AGBL4: variants seen among roughly 807,000 people sequenced by gnomAD.
AGBL4 encodes AGBL carboxypeptidase 4.
Under a neutral mutation model 66.4 loss-of-function variants are expected in AGBL4, and 58 were observed. The observed-to-expected ratio is 0.87, with a 90% CI of 0.71 to 1.09. AGBL4 has a LOEUF of 1.09. AGBL4 is among the 50% of genes least tolerant of loss of function. The pLI is 0.00. For missense variants in AGBL4, 579 were observed against 631.0 expected (o/e 0.92, Z 0.88); for synonymous variants, 234 against 222.9 (o/e 1.05, Z -0.44).
At chr1:49,672,947 G>T (rs1057479497) in intron 3 of AGBL4, among the ~76,000 whole-genome samples, 38 of 140,116 alleles carry the variant, frequency 2.7e-4, no homozygotes, top group African/African-American at 9.4e-4. Flanking sequence ...AAAAAGAAAA[G>T]AAAAGATAGA....
At chr1:48,674,420 G>A (rs993042210) in intron 6 of AGBL4, among the ~76,000 whole-genome samples, 1 of 151,870 alleles carries the variant, frequency 6.6e-6, no homozygotes, top group Non-Finnish European at 1.5e-5. Flanking sequence ...ACCCAGGTCT[G>A]GTTAACGTTA....
At chr1:48,917,419 C>T (rs1479524380) in intron 5 of AGBL4, among the ~76,000 whole-genome samples, 1 of 151,712 alleles carries the variant, frequency 6.6e-6, no homozygotes, top group Non-Finnish European at 1.5e-5. Flanking sequence ...AAAAAAAAAT[C>T]ACACATTTTT....
intron 4 of AGBL4, among the ~76,000 whole-genome samples, chr1:49,237,512 TTATATATATATATA>T (rs71056690): frequency 9.7e-3 from 22 of 2,262 alleles, no homozygotes; most frequent in African/African-American, 0.017. Context: ...CAATATTACA[TTATATATATATATA>T]TATATATATA....
chr1:48,622,495 T>G (rs1055246848), intron 9 of AGBL4, among the ~76,000 whole-genome samples: 7 of 146,756 alleles, frequency 4.8e-5, no homozygotes, highest in Non-Finnish European at 1.0e-4. Context: ...TTTTTTTTTT[T>G]TTTTTGGAGA....
chr1:49,550,264 G>A (rs955448500), intron 3 of AGBL4, among the ~76,000 whole-genome samples: 6 of 152,172 alleles, frequency 3.9e-5, no homozygotes, highest in African/African-American at 1.4e-4. Context: ...GGAACATTTA[G>A]GCCATTTACA....
intron 3 of AGBL4, among the ~76,000 whole-genome samples, chr1:49,436,234 C>T (rs943972801): frequency 1.3e-5 from 2 of 152,052 alleles, no homozygotes; most frequent in Admixed American, 1.3e-4. Context: ...AGAGAGTGGT[C>T]ATCTAGAAGT....
At position 49,584,033 on chromosome 1, in the gene AGBL4, A is replaced by G. The variant is rs1258745706; in HGVS notation, c.282+113280T>C. Among the ~76,000 whole-genome samples the G allele has an allele frequency of 5.3e-5, 8 of 151,938 alleles. No individual in the cohort carries two copies. The East Asian group carries it at 1.5e-3, about 29-fold the overall frequency. ...TTGTTCTCAGTACTCTTGTTGCCTTATTTTTTTCCTTCTCCTTATATTATC... is the reference window on the plus strand; with the variant it reads ...TTGTTCTCAGTACTCTTGTTGCCTTGTTTTTTTCCTTCTCCTTATATTATC... On this transcript the variant is annotated intron_variant, in intron 3 of 13. Transcript: ENST00000371839.
At chr1:49,492,085 A>G (rs2148745454) in intron 3 of AGBL4, among the ~76,000 whole-genome samples, 1 of 151,972 alleles carries the variant, frequency 6.6e-6, no homozygotes, top group Admixed American at 6.6e-5. Context: ...TCTTGTTATG[A>G]TGTGAGATGA....
At chr1:49,760,223 A>C (rs561986409) in intron 2 of AGBL4, among the ~76,000 whole-genome samples, 8 of 152,226 alleles carry the variant, frequency 5.3e-5, no homozygotes, top group African/African-American at 1.4e-4. Context: ...AGATTGCAAA[A>C]ATTTCGTCCC....
chr1:48,798,828 A>C (rs1254510405), intron 6 of AGBL4, among the ~76,000 whole-genome samples: 2 of 151,984 alleles, frequency 1.3e-5, no homozygotes, highest in African/African-American at 2.4e-5. Flanking sequence ...GTTGGCTATA[A>C]GTTTTTGGCT....
intron 3 of AGBL4, among the ~76,000 whole-genome samples, chr1:49,543,266 G>C (rs997284469): frequency 1.3e-5 from 2 of 152,116 alleles, no homozygotes; most frequent in Non-Finnish European, 2.9e-5. Flanking sequence ...TGGATGCTGG[G>C]AAGGGGATTA....
intron 3 of AGBL4, among the ~76,000 whole-genome samples, chr1:49,533,909 T>A (rs1651344664): frequency 6.6e-6 from 1 of 152,018 alleles, no homozygotes; most frequent in South Asian, 2.1e-4. Context: ...CAAGTGTGAG[T>A]CACGCTGCAG....
Position 49,986,848 on chromosome 1 carries a change from C to T in AGBL4, c.34+36915G>A, listed in dbSNP as rs112613692. On this transcript the variant is annotated intron_variant, in intron 1 of 13. Transcript: ENST00000371839. ...TGCCCGTGAAAACAACAAAATGATA[C>T]CTATATTCATCAATGTACTTTAAAT... Among the ~76,000 whole-genome samples, 165 of 152,136 alleles carry T rather than the reference C, an allele frequency of 1.1e-3. 1 individual carries two copies. The highest frequency in any genetic ancestry group is 3.7e-3 in the African/African-American group (155 of 41,542).
At chr1:49,121,317 G>T (rs573564799) in intron 4 of AGBL4, among the ~76,000 whole-genome samples, 36 of 152,262 alleles carry the variant, frequency 2.4e-4, no homozygotes, top group Middle Eastern at 3.4e-3. Context: ...CAGCTTTTCT[G>T]CCTTGGTTTC....
intron 6 of AGBL4, among the ~76,000 whole-genome samples, chr1:48,841,142 A>G (rs1456200733): frequency 6.6e-6 from 1 of 152,156 alleles, no homozygotes; most frequent in African/African-American, 2.4e-5. Flanking sequence ...AGGTAGCACA[A>G]GGGAGTCTTC....
intron 6 of AGBL4, among the ~76,000 whole-genome samples, chr1:48,721,642 C>T (rs1647151560): frequency 6.6e-6 from 1 of 152,194 alleles, no homozygotes; most frequent in Non-Finnish European, 1.5e-5. Context: ...CCTTCCTCTC[C>T]CCATTTCAGC....
intron 6 of AGBL4, among the ~76,000 whole-genome samples, chr1:48,799,155 A>T (rs1645756375): frequency 6.6e-6 from 1 of 152,126 alleles, no homozygotes; most frequent in African/African-American, 2.4e-5. Context: ...TTAACATGGG[A>T]TGTGTTTCCA....
In AGBL4 at chr1:49,245,744, G is replaced by A. The variant is rs1322459125; in HGVS notation, c.377+26C>T. ...CTGGGACAAATTTTCTAACCAGGAA[G>A]GGGTCCCATTCTGTAGATCACTTAC... On this transcript the variant is annotated intron_variant, in intron 4 of 13. Coordinates refer to ENST00000371839, the MANE Select transcript of AGBL4 (RefSeq NM_032785.4). The A allele has an allele frequency of 7.3e-6, 11 of 1,513,342 alleles. No individual in the cohort carries two copies. The South Asian group carries it at 1.2e-4, about 17-fold the overall frequency. The allele number at this position is 1,513,342 out of a possible 1,614,324, so 93.7% of individuals were successfully genotyped here.
chr1:49,756,578 C>A (rs1019724675), intron 2 of AGBL4, among the ~76,000 whole-genome samples: 11 of 152,264 alleles, frequency 7.2e-5, no homozygotes, highest in African/African-American at 2.6e-4. Context: ...ACCCAAATCC[C>A]ATCTTGAATT....
Sources: gnomAD v4.1 joint callset for allele counts (sites outside exome capture counted in the v4.1 genomes callset) on GRCh38, gnomAD v4.1.1 for gene constraint, MANE v1.5 for transcripts, NCBI Gene and HGNC (gene_info 2026-07-23, HGNC 2026-07-21) for gene names.